The following ZBP1 variants were observed in gnomAD, a reference collection of about 807,000 sequenced individuals.
The protein encoded by ZBP1 is Z-DNA binding protein 1.
A neutral mutation model predicts 41.1 loss-of-function variants in ZBP1; 42 were observed. The observed-to-expected ratio is 1.02, with a 90% CI of 0.80 to 1.32. The LOEUF is 1.32. ZBP1 is among the 40% of genes most tolerant of loss of function. The pLI, the probability that ZBP1 is intolerant of heterozygous loss-of-function variation, is 0.00. For synonymous variants in ZBP1, 214 were observed against 205.2 expected (o/e 1.04, Z -0.37); for missense variants, 562 against 549.7 (o/e 1.02, Z -0.22).
intron 5 of ZBP1, chr20:57,612,822 C>T (rs2070708881): frequency 2.1e-6 from 2 of 944,484 alleles, no homozygotes; most frequent in Non-Finnish European, 2.7e-6. Flanking sequence ...TGAGTTGTTT[C>T]TCATGAAAAA....
At chr20:57,605,203 G>C (rs1178059528) in intron 7 of ZBP1, among the ~76,000 whole-genome samples, 1 of 152,250 alleles carries the variant, frequency 6.6e-6, no homozygotes, top group Non-Finnish European at 1.5e-5. Context: ...AGGAGGAAGT[G>C]ACAGGCAGAC....
chr20:57,610,109 A>G lies in ZBP1; in HGVS notation c.1093+40T>C, dbSNP rs1362760115. 2 of 1,563,894 alleles carry G rather than the reference A, an allele frequency of 1.3e-6. No homozygotes were observed. The highest frequency in any genetic ancestry group is 3.4e-5 in the Admixed American group (2 of 59,600). On this transcript the variant is annotated intron_variant, in intron 7 of 7. Transcript: ENST00000371173. The surrounding 1 kb of genome is among the most constrained non-coding windows in gnomAD (Gnocchi z 5.5). Reference sequence around the variant, plus strand: ...ATGAATGAGTGGAAGGTGGGGAGAGAGAGAGAACACACAGGGGTCCACTCT... The same window carrying G: ...ATGAATGAGTGGAAGGTGGGGAGAGGGAGAGAACACACAGGGGTCCACTCT...
In ZBP1 at chr20:57,620,088, C is replaced by T. The variant is rs190499739; in HGVS notation, c.34+174G>A. The T allele has an allele frequency of 3.3e-4, 236 of 707,870 alleles. No individual in the cohort carries two copies. The East Asian group carries it at 6.8e-3, about 20-fold the overall frequency. The allele number at this position is 707,870 out of a possible 1,614,324, so 43.8% of individuals were successfully genotyped here. ...CTGAGCTTAAACAGTCCACCTACCT[C>T]GCCTCCCAAAGTGCTGGGATTACAG... is the stretch of plus-strand genomic sequence containing the variant. On this transcript the variant is annotated intron_variant, in intron 1 of 7. Transcript: ENST00000371173.
intron 7 of ZBP1, among the ~76,000 whole-genome samples, chr20:57,606,665 C>T (rs537609675): frequency 6.6e-6 from 1 of 152,056 alleles, no homozygotes; most frequent in Admixed American, 6.5e-5. Context: ...AGCCTCTCCT[C>T]AATTACCATT....
Position 57,611,949 on chromosome 20 carries a change from A to G in ZBP1, c.671-19T>C. ...GCGGAACCTGGCAGGGGACAGTGGC[A>G]CAGCCTCACCGGAGATTACTGCAGG... On this transcript the variant is annotated intron_variant, in intron 5 of 7. Coordinates refer to ENST00000371173, the MANE Select transcript of ZBP1 (RefSeq NM_030776.3). 1 of 1,551,014 alleles carries G rather than the reference A, an allele frequency of 6.4e-7. No homozygotes were observed. Among genetic ancestry groups the G allele is most frequent in the Non-Finnish European group, 8.7e-7 (1 of 1,146,336 alleles).
At position 57,613,215 on chromosome 20, in the gene ZBP1, G is replaced by T. The variant is rs745658044; in HGVS notation, c.618C>A (p.Ile206=). 6.2e-7 allele frequency: 1 copy of T among 1,614,230 alleles called. No individual in the cohort carries two copies. The highest frequency in any genetic ancestry group is 2.2e-5 in the East Asian group (1 of 44,884). Residue 206 remains isoleucine (I), a synonymous_variant, in exon 5 of 8, where the codon ATC becomes ATA. Transcript: ENST00000371173. The surrounding 1 kb of genome is among the most constrained non-coding windows in gnomAD (Gnocchi z 4.5). ...TAATGATGTTCCCGTGTCCAATCTG[G>T]ATGGCTTCGGAGTTTGCAATGGAAA... ...SWISIANSEA[I]QIGHGNIITR...
Position 57,611,844 on chromosome 20 carries a change from C to T in ZBP1, c.757G>A (p.Asp253Asn). The T allele has an allele frequency of 6.3e-7, 1 of 1,599,734 alleles. No individual in the cohort carries two copies. Among genetic ancestry groups the T allele is most frequent in the Non-Finnish European group, 8.5e-7 (1 of 1,173,202 alleles). ...GTLVDPWGPQDIHMEQSILRR... is the reference protein window; with the variant it reads ...GTLVDPWGPQNIHMEQSILRR... ...AGTATGGACTGCTCCATGTGGATGTCCTGGGGCCCCCAGGGATCAACTAGG... is the reference window on the plus strand; with the variant it reads ...AGTATGGACTGCTCCATGTGGATGTTCTGGGGCCCCCAGGGATCAACTAGG... The change falls in exon 6 of 8, where the codon GAC becomes AAC. Residue 253 changes from aspartate to asparagine, a missense_variant. Coordinates refer to ENST00000371173, the MANE Select transcript of ZBP1 (RefSeq NM_030776.3).
chr20:57,606,920 T>G (rs569028250), intron 7 of ZBP1: 1 of 1,120,042 alleles, frequency 8.9e-7, no homozygotes, highest in African/African-American at 1.6e-5. Flanking sequence ...AATTTTTTTT[T>G]TACTACTCGT....
At position 57,604,694 on chromosome 20, in the gene ZBP1, G is replaced by A. The variant is rs371321693; in HGVS notation, c.1169C>T (p.Ser390Leu). Residue 390 changes from serine (S) to leucine (L), a missense_variant, in exon 8 of 8, where the codon TCG (serine) becomes TTG (leucine). Ser to Leu is a moderately radical substitution (Grantham distance 145). Coordinates refer to ENST00000371173, the MANE Select transcript of ZBP1 (RefSeq NM_030776.3). ...AGTTTCCAGCTTGGGGGTGAGCTTC[G>A]AGTGGCTGGGAGTGATGGGCTGACC... ...DIGQPITPSH[S>L]KLTPKLETMT... 29 of 1,614,154 alleles carry A rather than the reference G, an allele frequency of 1.8e-5. No individual in the cohort carries two copies. Among genetic ancestry groups the A allele is most frequent in the Middle Eastern group, 1.6e-4 (1 of 6,062 alleles).
At chr20:57,605,898 C>A (rs552805646) in intron 7 of ZBP1, among the ~76,000 whole-genome samples, 1 of 152,152 alleles carries the variant, frequency 6.6e-6, no homozygotes, top group Admixed American at 6.5e-5. Flanking sequence ...TGTGCCATTG[C>A]ACTCCAGCCT....
At chr20:57,615,227 C>T (rs1034061632) in intron 3 of ZBP1, 167 bp from the exon 4 acceptor site, 3 of 787,196 alleles carry the variant, frequency 3.8e-6, no homozygotes, top group Non-Finnish European at 6.1e-6. Context: ...GCAGAGGTGC[C>T]CTGAGGGTGG....
At position 57,620,383 on chromosome 20, in the gene ZBP1, C is replaced by T. The variant is rs2146607396; in HGVS notation, c.-88G>A. 1 of 1,469,162 alleles carries T rather than the reference C, an allele frequency of 6.8e-7. No homozygotes were observed. The highest frequency in any genetic ancestry group is 2.5e-5 in the East Asian group (1 of 40,078). The allele number at this position is 1,469,162 out of a possible 1,614,324, so 91.0% of individuals were successfully genotyped here. A position where few individuals can be genotyped will look rare whatever the true frequency, so the allele number is the denominator to read the frequency against. On this transcript the variant is annotated 5_prime_UTR_variant, in exon 1 of 8. Transcript: ENST00000371173. ...CCTGAGAGGGTGGGCTAGGTCGAGGCTGGGGCTTCTGAAGTGGCCGAGCCT... is the reference window on the plus strand; with the variant it reads ...CCTGAGAGGGTGGGCTAGGTCGAGGTTGGGGCTTCTGAAGTGGCCGAGCCT...
rs200415356 is a variant in ZBP1 at position 57,619,970 on chromosome 20, G to A, written c.34+292C>T. ...TCCAGCCTCAGCATCCCGAGTAGCT[G>A]GGATCACAGGCATGCGCCACCATGC... On this transcript the variant is annotated intron_variant, in intron 1 of 7. Coordinates refer to ENST00000371173, the MANE Select transcript of ZBP1 (RefSeq NM_030776.3). Among the ~76,000 whole-genome samples, 8 of 152,112 alleles carry A rather than the reference G, an allele frequency of 5.3e-5. No homozygotes were observed. The East Asian group carries it at 1.5e-3, about 29-fold the overall frequency.
chr20:57,616,216 A>C, intron 2 of ZBP1, 28 bp downstream of exon 2: 1 of 1,608,630 alleles, frequency 6.2e-7, no homozygotes, highest in Non-Finnish European at 8.5e-7. Context: ...CTGCAGGGTC[A>C]GACCCGCCTC....
At chr20:57,619,135 C>A (rs747556067) in intron 1 of ZBP1, among the ~76,000 whole-genome samples, 13 of 152,244 alleles carry the variant, frequency 8.5e-5, no homozygotes, top group Middle Eastern at 3.2e-3. Context: ...GAGTCCGGAA[C>A]CTGCGTCAGC....
At chr20:57,619,488 G>A (rs1029618135) in intron 1 of ZBP1, among the ~76,000 whole-genome samples, 2 of 152,202 alleles carry the variant, frequency 1.3e-5, no homozygotes, top group African/African-American at 2.4e-5. Context: ...GCAATTACTC[G>A]ATACACTATT....
intron 7 of ZBP1, among the ~76,000 whole-genome samples, chr20:57,606,336 A>G (rs2070496766): frequency 6.6e-6 from 1 of 152,230 alleles, no homozygotes; most frequent in South Asian, 2.1e-4. Flanking sequence ...GCTGCAGAAG[A>G]ATAGTTGGAA....
chr20:57,610,108 G>C lies in ZBP1; in HGVS notation c.1093+41C>G, dbSNP rs376344937. The C allele has an allele frequency of 1.4e-4, 215 of 1,552,500 alleles. No homozygotes were observed. In the African/African-American group the frequency reaches 2.5e-3, roughly 18 times the overall value. On this transcript the variant is annotated intron_variant, in intron 7 of 7. Transcript: ENST00000371173. The surrounding 1 kb of genome is among the most constrained non-coding windows in gnomAD (Gnocchi z 5.5). ...AATGAATGAGTGGAAGGTGGGGAGA[G>C]AGAGAGAACACACAGGGGTCCACTC...
rs545249558 is a variant in ZBP1 at position 57,610,519 on chromosome 20, T to C, written c.875-152A>G. The C allele has an allele frequency of 1.4e-6, 1 of 708,884 alleles. No individual in the cohort carries two copies. The allele number at this position is 708,884 out of a possible 1,614,324, so 43.9% of individuals were successfully genotyped here. ...ACAGCCTGTGCCTGCCCGCCACACC[T>C]CCACCCGCCACACCTCCGCTCGTGC... On this transcript the variant is annotated intron_variant, in intron 6 of 7. Coordinates refer to ENST00000371173, the MANE Select transcript of ZBP1 (RefSeq NM_030776.3). The surrounding 1 kb of genome is among the most constrained non-coding windows in gnomAD (Gnocchi z 5.5).
Sources: allele counts gnomAD v4.1 joint callset (sites outside exome capture counted in the v4.1 genomes callset), GRCh38; gene constraint gnomAD v4.1.1; non-coding constraint Gnocchi (gnomAD v3.1); transcripts MANE v1.5; gene names NCBI Gene and HGNC (gene_info 2026-07-23, HGNC 2026-07-21).